Variants in PDE1C observed in about 807,000 individuals in gnomAD.
PDE1C encodes the protein phosphodiesterase 1C.
PDE1C carries 62 observed loss-of-function variants against 93.1 expected under a neutral mutation model. The observed-to-expected ratio is 0.67, with a 90% CI of 0.54 to 0.82. The LOEUF (loss-of-function observed/expected upper bound fraction) is 0.82, where lower values mean the gene tolerates loss of function less well. Among genes scored for constraint, PDE1C ranks in the 40% least tolerant of loss-of-function variants. The pLI is 0.00. For missense variants in PDE1C, 742 were observed against 884.6 expected, an observed-to-expected ratio of 0.84 and a Z score of 2.04; for synonymous variants, 325 against 310.1, an observed-to-expected ratio of 1.05 and a Z score of -0.50.
intron 17 of PDE1C, among the ~76,000 whole-genome samples, chr7:31,769,086 G>A (rs1795320534): frequency 6.6e-6 from 1 of 152,074 alleles, no homozygotes; most frequent in African/African-American, 2.4e-5. Context: ...GTGAGCCATC[G>A]TGCCTGGCCT....
At chr7:31,942,123 C>T (rs1411812459) in intron 2 of PDE1C, among the ~76,000 whole-genome samples, 1 of 152,236 alleles carries the variant, frequency 6.6e-6, no homozygotes, top group South Asian at 2.1e-4. Flanking sequence ...AAGACAGTCA[C>T]TAAATGTCTT....
At chr7:31,692,151 G>A in the PDE1C span, among the ~76,000 whole-genome samples, 1 of 152,128 alleles carries the variant, frequency 6.6e-6, no homozygotes, top group Admixed American at 6.5e-5. Flanking sequence ...CTCTGAGAGA[G>A]GGCAAATATT....
At chr7:32,347,788 T>C (rs538460871) in intron 1 of PDE1C, among the ~76,000 whole-genome samples, 2 of 152,200 alleles carry the variant, frequency 1.3e-5, no homozygotes, top group Admixed American at 6.5e-5. Context: ...GCCAATAATT[T>C]TGATGAACTC....
intron 2 of PDE1C, among the ~76,000 whole-genome samples, chr7:31,973,005 T>C (rs62457461): frequency 0.046 from 7,049 of 151,994 alleles, 391 homozygotes; most frequent in East Asian, 0.32. Context: ...CCAGAGAAAA[T>C]AGTTTCTGCT....
intron 1 of PDE1C, among the ~76,000 whole-genome samples, chr7:32,341,497 A>G (rs1783756403): frequency 6.6e-6 from 1 of 152,076 alleles, no homozygotes; most frequent in Non-Finnish European, 1.5e-5. Flanking sequence ...AATCACACTG[A>G]ACTGCTGTGT....
chr7:32,051,664 C>A, intron 1 of PDE1C, 84 bp from the exon 2 acceptor site: 1 of 1,110,362 alleles, frequency 9.0e-7, no homozygotes, highest in East Asian at 2.4e-5. Flanking sequence ...TGGGGATGGG[C>A]ATGGGGGTCA....
chr7:32,263,796 T>C (rs950484418), intron 1 of PDE1C, among the ~76,000 whole-genome samples: 3 of 152,230 alleles, frequency 2.0e-5, no homozygotes, highest in African/African-American at 7.2e-5. Flanking sequence ...TCATTTTATG[T>C]GTGACTGATG....
At chr7:32,330,684 C>T (rs1309736291) in intron 1 of PDE1C, among the ~76,000 whole-genome samples, 4 of 152,118 alleles carry the variant, frequency 2.6e-5, no homozygotes, top group South Asian at 4.1e-4. Flanking sequence ...GGCCTGTTCC[C>T]GAGCCCCAGG....
intron 16 of PDE1C, among the ~76,000 whole-genome samples, chr7:31,776,677 A>G (rs1326552421): frequency 6.6e-6 from 1 of 152,194 alleles, no homozygotes; most frequent in African/African-American, 2.4e-5. Flanking sequence ...ATATATAAAC[A>G]TAAATATTTA....
intron 11 of PDE1C, among the ~76,000 whole-genome samples, chr7:31,832,993 C>T (rs1402439397): frequency 2.0e-5 from 3 of 152,150 alleles, no homozygotes; most frequent in African/African-American, 4.8e-5. Context: ...GTTCTCCCAC[C>T]CCAAATCTCA....
chr7:32,315,559 T>C (rs1326392876), intron 1 of PDE1C, among the ~76,000 whole-genome samples: 1 of 152,208 alleles, frequency 6.6e-6, no homozygotes, highest in Non-Finnish European at 1.5e-5. Context: ...CCCAGGAACA[T>C]TGGTTATAAT....
chr7:32,251,017 T>C (rs1007291817), intron 1 of PDE1C, among the ~76,000 whole-genome samples: 2 of 152,226 alleles, frequency 1.3e-5, no homozygotes. Flanking sequence ...TGAAGCATGA[T>C]GCAGATAAAG....
chr7:32,092,859 T>C (rs979427217), intron 3 of PDE1C, among the ~76,000 whole-genome samples: 2 of 148,356 alleles, frequency 1.3e-5, no homozygotes, highest in African/African-American at 5.1e-5. Context: ...AACTTGTAGT[T>C]GTGAATTCAG....
intron 2 of PDE1C, among the ~76,000 whole-genome samples, chr7:32,027,408 A>G (rs1333495000): frequency 6.6e-6 from 1 of 152,056 alleles, no homozygotes; most frequent in Admixed American, 6.6e-5. Context: ...TTGACATGCA[A>G]ACTTAATGGT....
At chr7:32,223,355 G>A (rs970763180) in intron 1 of PDE1C, among the ~76,000 whole-genome samples, 4 of 152,152 alleles carry the variant, frequency 2.6e-5, no homozygotes, top group Non-Finnish European at 5.9e-5. Flanking sequence ...GCTTTGTAAC[G>A]GGGAGGCAGA....
intron 1 of PDE1C, among the ~76,000 whole-genome samples, chr7:32,265,916 C>A (rs1270117472): frequency 6.9e-6 from 1 of 145,480 alleles, no homozygotes; most frequent in African/African-American, 2.4e-5. Flanking sequence ...AAGACCTCCC[C>A]TACAAGGTGG....
chr7:32,291,333 GT>G (rs1335965429), intron 1 of PDE1C, among the ~76,000 whole-genome samples: 1 of 152,166 alleles, frequency 6.6e-6, no homozygotes, highest in Non-Finnish European at 1.5e-5. Context: ...TTATTAATTT[GT>G]TATTCATTCT....
At chr7:32,079,294 G>A (rs759277061) in intron 3 of PDE1C, among the ~76,000 whole-genome samples, 5 of 152,264 alleles carry the variant, frequency 3.3e-5, no homozygotes, top group Non-Finnish European at 1.5e-5. Flanking sequence ...ATCTAATTGG[G>A]AAAACAGATA....
At chr7:32,312,269 T>C in intron 1 of PDE1C, among the ~76,000 whole-genome samples, 1 of 152,056 alleles carries the variant, frequency 6.6e-6, no homozygotes, top group Non-Finnish European at 1.5e-5. Context: ...TACAAACAAA[T>C]GGAAGAACAT....
Sources: allele counts gnomAD v4.1 joint callset (sites outside exome capture counted in the v4.1 genomes callset), GRCh38; gene constraint gnomAD v4.1.1; transcripts MANE v1.5; gene names NCBI Gene and HGNC (gene_info 2026-07-23, HGNC 2026-07-21).